Variants in FBXO9 observed in about 807,000 individuals in gnomAD.
The protein encoded by FBXO9 is F-box protein 9.
In FBXO9, 43 loss-of-function variants were observed where a neutral mutation model predicts 63.7. The ratio of observed to expected loss-of-function variants is 0.67; its 90% CI spans 0.53 to 0.87. The LOEUF is 0.87. Among genes scored for constraint, FBXO9 ranks in the 40% least tolerant of loss-of-function variants. The pLI, the probability that FBXO9 is intolerant of heterozygous loss-of-function variation, is 0.00. For missense variants in FBXO9, 442 were observed against 533.2 expected, an observed-to-expected ratio of 0.83 and a Z score of 1.68; for synonymous variants, 156 against 171.7, an observed-to-expected ratio of 0.91 and a Z score of 0.72.
chr6:53,093,864 A>T (rs1412025452), intron 10 of FBXO9, 21 bp from the exon 11 acceptor site: 1 of 1,447,984 alleles, frequency 6.9e-7, no homozygotes, highest in East Asian at 2.5e-5. Context: ...ATTTAGATTC[A>T]ATTTGTTTTT....
rs977454616 is a variant in FBXO9, at chr6:53,065,492, G to A, written c.-298G>A. ...TCTCCAGTAGGGCTGACGCTCCGGT[G>A]CTCGCACAATCCCCCGCCTCGGCTG... On this transcript the variant is annotated 5_prime_UTR_variant, in exon 1 of 13. Transcript: ENST00000323557. The A allele has an allele frequency of 2.8e-6, 1 of 359,932 alleles. No homozygotes were observed. Among genetic ancestry groups the A allele is most frequent in the Non-Finnish European group, 5.0e-6 (1 of 200,626 alleles). The allele number at this position is 359,932 out of a possible 1,614,324, so 22.3% of individuals were successfully genotyped here.
chr6:53,074,681 T>C (rs1457860888), intron 3 of FBXO9, among the ~76,000 whole-genome samples: 2 of 152,258 alleles, frequency 1.3e-5, no homozygotes, highest in Non-Finnish European at 2.9e-5. Context: ...ATTTTGATAT[T>C]CCAAGAATGT....
intron 9 of FBXO9, 41 bp downstream of exon 9, chr6:53,092,865 C>T (rs755073113): frequency 7.4e-7 from 1 of 1,358,898 alleles, no homozygotes; most frequent in East Asian, 2.3e-5. Flanking sequence ...AATTCTCTCT[C>T]TCCATGTATT....
chr6:53,071,193 A>T (rs1038516128), intron 2 of FBXO9, 50 bp downstream of exon 2: 1 of 1,489,670 alleles, frequency 6.7e-7, no homozygotes, highest in African/African-American at 1.4e-5. Context: ...GTTCCCATAC[A>T]TATGCAGAAA....
rs138544631 is a variant in FBXO9, at chr6:53,072,478, A to G, written c.91-1003A>G. ...CATCCTCGAGGGAGTTCTGAAGATG[A>G]AATACCCTTTCAGAGATGACCTGAG... On this transcript the variant is annotated intron_variant, in intron 2 of 12. Transcript: ENST00000323557. Among the ~76,000 whole-genome samples, 381 of 152,324 alleles carry G rather than the reference A, an allele frequency of 2.5e-3. 4 individuals are homozygous for G. The highest frequency in any genetic ancestry group is 8.8e-3 in the African/African-American group (365 of 41,566).
At chr6:53,076,940 G>T (rs1216203052) in intron 4 of FBXO9, among the ~76,000 whole-genome samples, 1 of 151,898 alleles carries the variant, frequency 6.6e-6, no homozygotes, top group African/African-American at 2.4e-5. Flanking sequence ...TATATAACCT[G>T]TCTTTTTGCA....
chr6:53,093,908 A>G lies in FBXO9; in HGVS notation c.983A>G (p.His328Arg), dbSNP rs1262264666. The change falls in exon 11 of 13, where the codon CAC (histidine) becomes CGC (arginine). Residue 328 changes from histidine to arginine, a missense_variant. His to Arg is a conservative substitution (Grantham distance 29, BLOSUM62 0). Transcript: ENST00000323557. ...NTRTDAILLG[H>R]YRLSQDTDNQ... ...AGGACTGATGCAATTCTACTGGGTC[A>G]CTATCGCTTGTCACAAGACACAGAC... 1.9e-6 allele frequency: 3 copies of G among 1,551,824 alleles called. No homozygotes were observed. Among genetic ancestry groups the G allele is most frequent in the South Asian group, 1.2e-5 (1 of 83,278 alleles).
At position 53,092,408 on chromosome 6, in the gene FBXO9, C is replaced by G. The variant is rs765765832; in HGVS notation, c.654-21C>G. 87 of 1,550,964 alleles carry G rather than the reference C, an allele frequency of 5.6e-5. No homozygotes were observed. The South Asian group carries it at 9.2e-4, about 16-fold the overall frequency. The stretch of plus-strand genomic sequence containing the variant: ...TGTATAGGGACTTAGTTTTTATTGA[C>G]ATTGTGCTTTTATTCCCTAGAGACC... On this transcript the variant is annotated intron_variant, in intron 7 of 12. Transcript: ENST00000323557.
intron 1 of FBXO9, chr6:53,070,806 G>A (rs1033043055): frequency 5.9e-5 from 25 of 425,728 alleles, no homozygotes; most frequent in Non-Finnish European, 9.4e-5. Flanking sequence ...TTTGGCGGGG[G>A]GGAAATGTTA....
Position 53,071,043 on chromosome 6 carries a change from T to C in FBXO9, c.4-14T>C. The C allele has an allele frequency of 6.4e-7, 1 of 1,563,372 alleles. No individual in the cohort carries two copies. Among genetic ancestry groups the C allele is most frequent in the Non-Finnish European group, 8.7e-7 (1 of 1,152,236 alleles). On this transcript the variant is annotated splice_polypyrimidine_tract_variant and intron_variant, in intron 1 of 12. Coordinates refer to ENST00000323557, the MANE Select transcript of FBXO9 (RefSeq NM_033480.3). ...GTTTATATGCCTGACATTATTTGGG[T>C]TTTCCCCCCTCAGGCAGAAGCTGAG... is the stretch of plus-strand genomic sequence containing the variant.
intron 3 of FBXO9, 47 bp downstream of exon 3, chr6:53,073,686 CA>C: frequency 7.1e-7 from 1 of 1,418,224 alleles, no homozygotes; most frequent in South Asian, 1.4e-5. Context: ...TTTTTTTTGG[CA>C]CATGGAAATT....
chr6:53,086,441 T>A (rs535886451), intron 7 of FBXO9, among the ~76,000 whole-genome samples: 1 of 150,594 alleles, frequency 6.6e-6, no homozygotes, highest in Admixed American at 6.6e-5. Context: ...AAACAATAAA[T>A]TTTTTTTTTA....
chr6:53,088,943 A>G (rs1247337202), intron 7 of FBXO9, among the ~76,000 whole-genome samples: 3 of 132,882 alleles, frequency 2.3e-5, no homozygotes, highest in African/African-American at 8.6e-5. Context: ...TTTTTTTGAG[A>G]CAGAGTCTCG....
Position 53,097,220 on chromosome 6 carries a change from G to C in FBXO9, c.1206-502G>C, listed in dbSNP as rs932175462. ...AATCAAATTATATTCTAGGAATATAGTTATTTCTGAAACATTTTAAGAAGA... is the reference window on the plus strand; with the variant it reads ...AATCAAATTATATTCTAGGAATATACTTATTTCTGAAACATTTTAAGAAGA... On this transcript the variant is annotated intron_variant, in intron 12 of 12. Transcript: ENST00000323557. Among the ~76,000 whole-genome samples the C allele has an allele frequency of 4.8e-4, 73 of 152,158 alleles. 1 individual carries two copies. Among genetic ancestry groups the C allele is most frequent in the African/African-American group, 1.6e-3 (65 of 41,498 alleles).
chr6:53,068,679 GTC>G (rs1319757850), intron 1 of FBXO9, among the ~76,000 whole-genome samples: 9 of 148,046 alleles, frequency 6.1e-5, no homozygotes, highest in Non-Finnish European at 8.9e-5. Flanking sequence ...TTGAGACAGG[GTC>G]TCTCTCTGTC....
At chr6:53,081,167 G>A in intron 6 of FBXO9, 69 bp downstream of exon 6, 3 of 1,502,042 alleles carry the variant, frequency 2.0e-6, no homozygotes, top group Non-Finnish European at 2.7e-6. Context: ...AATTTATAAG[G>A]TCAGATAATT....
chr6:53,086,218 C>A (rs1407434545), intron 7 of FBXO9, among the ~76,000 whole-genome samples: 1 of 152,174 alleles, frequency 6.6e-6, no homozygotes, highest in Non-Finnish European at 1.5e-5. Flanking sequence ...GATCTTGACT[C>A]TGGGGAAACC....
At chr6:53,073,449 TG>T (rs1174609324) in intron 2 of FBXO9, 31 bp from the exon 3 acceptor site, 2 of 1,603,774 alleles carry the variant, frequency 1.2e-6, no homozygotes. Flanking sequence ...TACCCTTCCT[TG>T]ATGAGTCCTA....
rs200861564 is a variant in FBXO9 at position 53,097,905 on chromosome 6, T to G, written c.*75T>G. The G allele has an allele frequency of 4.4e-5, 7 of 160,878 alleles. No homozygotes were observed. Among genetic ancestry groups the G allele is most frequent in the Non-Finnish European group, 7.2e-5 (7 of 97,630 alleles). 10.0% of individuals were successfully genotyped at this position (160,878 alleles called of 1,614,324 possible). On this transcript the variant is annotated 3_prime_UTR_variant, in exon 13 of 13. Coordinates refer to ENST00000323557, the MANE Select transcript of FBXO9 (RefSeq NM_033480.3). ...CGCAAAAGAGCACCTAAGTTATAAA[T>G]GTGTGTGTGTGCGTGTGTGTGTATA...
Sources: allele counts gnomAD v4.1 joint callset (sites outside exome capture counted in the v4.1 genomes callset), GRCh38; gene constraint gnomAD v4.1.1; transcripts MANE v1.5; gene names NCBI Gene and HGNC (gene_info 2026-07-23, HGNC 2026-07-21).